GNAQ: variants seen among roughly 807,000 people sequenced by gnomAD.
The protein encoded by GNAQ is G protein subunit alpha q.
Under a neutral mutation model 43.9 loss-of-function variants are expected in GNAQ, and 8 were observed. The ratio of observed to expected loss-of-function variants is 0.18; its 90% CI spans 0.11 to 0.33. The LOEUF is 0.33. GNAQ is among the 10% of genes least tolerant of loss of function. The probability of loss-of-function intolerance (pLI) is 1.00; values close to 1 mark genes in which losing one functional copy is unlikely to be tolerated. For missense variants in GNAQ, 158 were observed against 450.8 expected (o/e 0.35, Z 5.88); for synonymous variants, 155 against 170.7 (o/e 0.91, Z 0.71).
At chr9:78,029,501 G>A (rs1445383102) in intron 1 of GNAQ, among the ~76,000 whole-genome samples, 3 of 151,716 alleles carry the variant, frequency 2.0e-5, no homozygotes, top group Non-Finnish European at 4.4e-5. Flanking sequence ...TCCAATTGCA[G>A]TTTGCCTCCT....
At chr9:77,801,635 A>C (rs1826744070) in intron 3 of GNAQ, among the ~76,000 whole-genome samples, 1 of 152,172 alleles carries the variant, frequency 6.6e-6, no homozygotes, top group African/African-American at 2.4e-5. Context: ...AGTTAAATTA[A>C]TCTAGCTTAA....
At chr9:78,013,557 T>C (rs989287866) in intron 1 of GNAQ, among the ~76,000 whole-genome samples, 3 of 151,886 alleles carry the variant, frequency 2.0e-5, no homozygotes, top group African/African-American at 4.8e-5. Flanking sequence ...ATTTTATATA[T>C]CCAATGTTGC....
chr9:78,021,355 T>C (rs1465260849), intron 1 of GNAQ, among the ~76,000 whole-genome samples: 5 of 152,190 alleles, frequency 3.3e-5, no homozygotes, highest in South Asian at 2.1e-4. Flanking sequence ...TCTCTGATCA[T>C]GGTCATACCA....
At chr9:77,972,515 C>G (rs1232149922) in intron 1 of GNAQ, among the ~76,000 whole-genome samples, 4 of 151,926 alleles carry the variant, frequency 2.6e-5, no homozygotes, top group African/African-American at 9.7e-5. Context: ...TGTGAAAAAC[C>G]CAACAGCTTT....
At chr9:77,820,584 A>G (rs1014518959) in intron 2 of GNAQ, among the ~76,000 whole-genome samples, 1 of 152,206 alleles carries the variant, frequency 6.6e-6, no homozygotes, top group Admixed American at 6.5e-5. Context: ...GAAGCCCCTC[A>G]TGAAAACGAA....
intron 2 of GNAQ, among the ~76,000 whole-genome samples, chr9:77,834,674 T>C (rs1307518571): frequency 6.6e-6 from 1 of 152,184 alleles, no homozygotes; most frequent in African/African-American, 2.4e-5. Flanking sequence ...CCAGCCTGGA[T>C]GCTGGTGGGA....
At chr9:77,986,402 C>G (rs1184098510) in intron 1 of GNAQ, among the ~76,000 whole-genome samples, 2 of 152,184 alleles carry the variant, frequency 1.3e-5, no homozygotes, top group Non-Finnish European at 1.5e-5. Context: ...AAAGCAGCAA[C>G]CCTCAAACCT....
chr9:77,956,652 G>C (rs961871496), intron 1 of GNAQ, among the ~76,000 whole-genome samples: 3 of 152,200 alleles, frequency 2.0e-5, no homozygotes, highest in African/African-American at 7.2e-5. Context: ...CCCCAGGAAG[G>C]GGGAGGAGGG....
chr9:77,809,278 A>T (rs922864065), intron 3 of GNAQ, among the ~76,000 whole-genome samples: 15 of 152,212 alleles, frequency 9.9e-5, no homozygotes, highest in African/African-American at 3.6e-4. Context: ...AAGTAAGATT[A>T]GAAATTATTT....
At chr9:77,773,101 C>T (rs964637051) in intron 5 of GNAQ, among the ~76,000 whole-genome samples, 1 of 152,106 alleles carries the variant, frequency 6.6e-6, no homozygotes, top group Non-Finnish European at 1.5e-5. Context: ...TTTTTTTGGG[C>T]ATGTTAAACC....
chr9:77,940,352 G>A (rs1222490965), intron 1 of GNAQ, among the ~76,000 whole-genome samples: 3 of 152,166 alleles, frequency 2.0e-5, no homozygotes, highest in Non-Finnish European at 4.4e-5. Flanking sequence ...AGGCCAAAGC[G>A]AGTGGACTGC....
At chr9:77,744,718 TG>T (rs1259691937) in intron 5 of GNAQ, among the ~76,000 whole-genome samples, 3 of 152,148 alleles carry the variant, frequency 2.0e-5, no homozygotes, top group Admixed American at 2.0e-4. Flanking sequence ...TCTTGCTGTA[TG>T]CTACTATTAG....
chr9:77,933,985 A>G lies in GNAQ; in HGVS notation c.137-11640T>C, dbSNP rs150839299. On this transcript the variant is annotated intron_variant, in intron 1 of 6. Transcript: ENST00000286548. Reference sequence around the variant, plus strand: ...TGCAAATACTTCCTCAGGATAGAACAGCTCATGTGGCCCTCCTCAAAAGAG... The same window carrying G: ...TGCAAATACTTCCTCAGGATAGAACGGCTCATGTGGCCCTCCTCAAAAGAG... 7.0e-3 allele frequency among the ~76,000 whole-genome samples: 1,060 copies of G among 152,326 alleles called. 18 individuals carry two copies. Among genetic ancestry groups the G allele is most frequent in the African/African-American group, 0.024 (983 of 41,570 alleles).
intron 1 of GNAQ, among the ~76,000 whole-genome samples, chr9:78,027,945 A>G (rs1479755660): frequency 3.9e-5 from 6 of 152,168 alleles, no homozygotes; most frequent in African/African-American, 9.7e-5. Context: ...AAATTTCAGG[A>G]TAACTATATG....
intron 3 of GNAQ, among the ~76,000 whole-genome samples, chr9:77,802,221 G>T (rs1826754301): frequency 6.6e-6 from 1 of 151,866 alleles, no homozygotes; most frequent in South Asian, 2.1e-4. Flanking sequence ...TCATTGCCAA[G>T]AAGGGATCAA....
At chr9:77,804,753 C>G (rs1266455688) in intron 3 of GNAQ, among the ~76,000 whole-genome samples, 1 of 152,130 alleles carries the variant, frequency 6.6e-6, no homozygotes, top group Non-Finnish European at 1.5e-5. Flanking sequence ...TATAGAGAGG[C>G]TGCATTTATA....
At chr9:77,899,864 A>G (rs1188480884) in intron 2 of GNAQ, among the ~76,000 whole-genome samples, 1 of 152,220 alleles carries the variant, frequency 6.6e-6, no homozygotes, top group Non-Finnish European at 1.5e-5. Context: ...GGTGCTGCTG[A>G]TTCAGCAAGA....
chr9:77,804,690 C>A (rs1297188295), intron 3 of GNAQ, among the ~76,000 whole-genome samples: 1 of 151,978 alleles, frequency 6.6e-6, no homozygotes, highest in Non-Finnish European at 1.5e-5. Flanking sequence ...TAGCATGACA[C>A]GGGGTGTGTG....
chr9:77,736,415 C>T (rs1466189084), intron 5 of GNAQ, among the ~76,000 whole-genome samples: 1 of 152,178 alleles, frequency 6.6e-6, no homozygotes, highest in East Asian at 1.9e-4. Context: ...TCAAACTCAG[C>T]TGAATAGATA....
Sources: gnomAD v4.1 joint callset for allele counts (sites outside exome capture counted in the v4.1 genomes callset) on GRCh38, gnomAD v4.1.1 for gene constraint, MANE v1.5 for transcripts, NCBI Gene and HGNC (gene_info 2026-07-23, HGNC 2026-07-21) for gene names.